AKAP13: variants seen among roughly 807,000 people sequenced by gnomAD.
AKAP13 encodes A-kinase anchor protein 13.
A neutral mutation model predicts 264.5 loss-of-function variants in AKAP13; 80 were observed. That is an observed-to-expected ratio of 0.30 (90% CI 0.25 to 0.36). The LOEUF is 0.36. AKAP13 is among the 10% of genes least tolerant of loss of function. The pLI is 1.00. For missense variants in AKAP13, 3,712 were observed against 3,435.2 expected (o/e 1.08, Z -2.01); for synonymous variants, 1,380 against 1,250.2 (o/e 1.10, Z -2.19).
chr15:85,542,585 A>T (rs920055191), intron 4 of AKAP13, among the ~76,000 whole-genome samples: 4 of 152,202 alleles, frequency 2.6e-5, no homozygotes, highest in African/African-American at 9.6e-5. Flanking sequence ...ATGAAGAAAG[A>T]GATGATAGCT....
intron 5 of AKAP13, among the ~76,000 whole-genome samples, chr15:85,559,140 G>A (rs977668417): frequency 1.3e-5 from 2 of 151,780 alleles, no homozygotes; most frequent in Non-Finnish European, 2.9e-5. Flanking sequence ...TAATGTTCTC[G>A]CTTTGAAAAT....
chr15:85,414,160 T>C (rs142191458), intron 1 of AKAP13, among the ~76,000 whole-genome samples: 4 of 152,198 alleles, frequency 2.6e-5, no homozygotes, highest in Non-Finnish European at 4.4e-5. Context: ...CCAGTCTTCC[T>C]TTTTTTCAGC....
intron 5 of AKAP13, among the ~76,000 whole-genome samples, chr15:85,548,942 G>T (rs1456443541): frequency 6.7e-6 from 1 of 149,652 alleles, no homozygotes. Flanking sequence ...AAGAAGAAGA[G>T]GACTGTCTTC....
chr15:85,415,907 G>T (rs1007533376), intron 1 of AKAP13, among the ~76,000 whole-genome samples: 2 of 152,234 alleles, frequency 1.3e-5, no homozygotes, highest in East Asian at 3.9e-4. Context: ...GTTTATGAGA[G>T]AGCTGGTGCA....
At position 85,623,377 on chromosome 15, in the gene AKAP13, G is replaced by A. The variant is rs184988228; in HGVS notation, c.4162-15997G>A. Among the ~76,000 whole-genome samples the A allele has an allele frequency of 1.2e-4, 18 of 152,272 alleles. No homozygotes were observed. The East Asian group carries it at 3.5e-3, about 29-fold the overall frequency. The stretch of plus-strand genomic sequence containing the variant: ...AGTAATTACAGAGTTTAAATTGTGA[G>A]CCTGTCACTTTGGTATTCCACATTT... On this transcript the variant is annotated intron_variant, in intron 8 of 36. Coordinates refer to ENST00000394518, the MANE Select transcript of AKAP13 (RefSeq NM_007200.5).
At chr15:85,564,168 A>G (rs1252892607) in intron 5 of AKAP13, among the ~76,000 whole-genome samples, 1 of 152,208 alleles carries the variant, frequency 6.6e-6, no homozygotes, top group African/African-American at 2.4e-5. Context: ...GTAAGTAATA[A>G]TAACAGAAGA....
At position 85,581,944 on chromosome 15, in the gene AKAP13, A is replaced by G. The variant is rs1185508217; in HGVS notation, c.3876A>G (p.Leu1292=). ...AGTTGGGTCCTCTCACTAAAGGACT[A>G]GAGAGTGCTTTTACAGAAAAAGTGA... ...SPELGPLTKG[L]ESAFTEKVST... The change falls in exon 7 of 37, where the codon CTA becomes CTG. Residue 1292 remains leucine (L), a synonymous_variant. Coordinates refer to ENST00000394518, the MANE Select transcript of AKAP13 (RefSeq NM_007200.5). The G allele has an allele frequency of 1.9e-6, 3 of 1,614,206 alleles. No homozygotes were observed. The highest frequency in any genetic ancestry group is 1.1e-5 in the South Asian group (1 of 91,084).
At chr15:85,521,693 T>A in intron 3 of AKAP13, 118 bp downstream of exon 3, 1 of 1,163,880 alleles carries the variant, frequency 8.6e-7, no homozygotes, top group Admixed American at 3.4e-5. Flanking sequence ...AAAAATTTAT[T>A]AGTTTATAAA....
chr15:85,541,822 G>C (rs962870046), intron 4 of AKAP13, among the ~76,000 whole-genome samples: 10 of 152,140 alleles, frequency 6.6e-5, no homozygotes, highest in African/African-American at 2.2e-4. Context: ...CCTCAGAAAG[G>C]GTCTACACAA....
rs1300657026 is a variant in AKAP13, at chr15:85,741,742, C to A, written c.8058+247C>A. 4.7e-4 allele frequency among the ~76,000 whole-genome samples: 52 copies of A among 111,736 alleles called. No individual in the cohort carries two copies. The East Asian group carries it at 5.9e-3, about 13-fold the overall frequency. 73.3% of individuals were successfully genotyped at this position (111,736 alleles called of 152,430 possible). On this transcript the variant is annotated intron_variant, in intron 35 of 36. Transcript: ENST00000394518. ...CAAACAAACAAACAAAAAAAAAAAA[C>A]AGTTTTTAAGAATCTTTGTAGCTGG...
chr15:85,590,301 A>G (rs1291390686), intron 8 of AKAP13, among the ~76,000 whole-genome samples: 1 of 152,262 alleles, frequency 6.6e-6, no homozygotes, highest in Admixed American at 6.5e-5. Context: ...GTTTTGTAAC[A>G]TTCTCTAAAC....
intron 1 of AKAP13, among the ~76,000 whole-genome samples, chr15:85,433,261 C>T (rs564601695): frequency 1.3e-5 from 2 of 151,730 alleles, no homozygotes; most frequent in Non-Finnish European, 2.9e-5. Context: ...TCAATTCCAA[C>T]ATTATTTCCT....
chr15:85,547,459 C>T (rs2077793399), intron 5 of AKAP13, among the ~76,000 whole-genome samples: 2 of 148,968 alleles, frequency 1.3e-5, no homozygotes, highest in South Asian at 4.1e-4. Flanking sequence ...CATTCTTGGA[C>T]ATATAAGGAT....
chr15:85,699,795 A>G (rs967650850), intron 17 of AKAP13, among the ~76,000 whole-genome samples: 1 of 152,220 alleles, frequency 6.6e-6, no homozygotes, highest in African/African-American at 2.4e-5. Flanking sequence ...TTGTTCTACC[A>G]CTGTTATTGA....
intron 1 of AKAP13, among the ~76,000 whole-genome samples, chr15:85,475,166 A>C (rs907202866): frequency 3.3e-5 from 5 of 152,180 alleles, no homozygotes; most frequent in African/African-American, 1.2e-4. Flanking sequence ...TCTTTGCCGG[A>C]TATCTATTTT....
chr15:85,657,392 T>C (rs2083148495), intron 11 of AKAP13, among the ~76,000 whole-genome samples: 2 of 152,170 alleles, frequency 1.3e-5, no homozygotes, highest in African/African-American at 4.8e-5. Flanking sequence ...TTCTTACACT[T>C]TCCTAATTTG....
chr15:85,447,778 G>A (rs565122939), intron 1 of AKAP13, among the ~76,000 whole-genome samples: 3 of 152,260 alleles, frequency 2.0e-5, no homozygotes, highest in South Asian at 2.1e-4. Flanking sequence ...TCATTGATGG[G>A]CATTTATGTT....
chr15:85,522,192 G>A (rs993268314), intron 3 of AKAP13, among the ~76,000 whole-genome samples: 1 of 151,984 alleles, frequency 6.6e-6, no homozygotes, highest in African/African-American at 2.4e-5. Context: ...AGGTATAATC[G>A]ATCAGTCCGT....
At chr15:85,679,531 T>G (rs2084463079) in intron 14 of AKAP13, among the ~76,000 whole-genome samples, 1 of 152,194 alleles carries the variant, frequency 6.6e-6, no homozygotes, top group Non-Finnish European at 1.5e-5. Context: ...AACGTTGTGT[T>G]ACGTTGTGGA....
Sources: allele counts gnomAD v4.1 joint callset (sites outside exome capture counted in the v4.1 genomes callset), GRCh38; gene constraint gnomAD v4.1.1; transcripts MANE v1.5; gene names NCBI Gene and HGNC (gene_info 2026-07-23, HGNC 2026-07-21).